PIK3R3: variants seen among roughly 807,000 people sequenced by gnomAD.
PIK3R3 encodes the protein phosphatidylinositol 3-kinase regulatory subunit gamma.
Under a neutral mutation model 62.9 loss-of-function variants are expected in PIK3R3, and 64 were observed. That is an observed-to-expected ratio of 1.02 (90% CI 0.83 to 1.25). The LOEUF is 1.25. Ranked by LOEUF, PIK3R3 falls within the 50% of genes most tolerant of loss-of-function variation. PIK3R3 has a pLI of 0.00. For synonymous variants in PIK3R3, 165 were observed against 189.0 expected (o/e 0.87, Z 1.04); for missense variants, 614 against 561.6 (o/e 1.09, Z -0.94).
chr1:46,047,622 T>A (rs1304487136), intron 7 of PIK3R3, among the ~76,000 whole-genome samples: 4 of 152,154 alleles, frequency 2.6e-5, no homozygotes, highest in Non-Finnish European at 5.9e-5. Flanking sequence ...AAGGCTCCTA[T>A]CATTCAGGTT....
chr1:46,043,872 C>T lies in PIK3R3; in HGVS notation c.1188-1G>A. The T allele has an allele frequency of 6.2e-7, 1 of 1,611,630 alleles. No individual in the cohort carries two copies. Among genetic ancestry groups the T allele is most frequent in the Non-Finnish European group, 8.5e-7 (1 of 1,178,484 alleles). On this transcript the variant is annotated splice_acceptor_variant, in intron 9 of 9. Coordinates refer to ENST00000262741, the MANE Select transcript of PIK3R3 (RefSeq NM_003629.4). LOFTEE classifies it high-confidence loss of function. ...ACAGTGCTTCACTTCCCCATCGGCCCTGCAATGACAAACCACAGAAGAAAT... is the reference window on the plus strand; with the variant it reads ...ACAGTGCTTCACTTCCCCATCGGCCTTGCAATGACAAACCACAGAAGAAAT...
At chr1:46,052,200 G>A (rs1647424669) in intron 7 of PIK3R3, among the ~76,000 whole-genome samples, 1 of 151,988 alleles carries the variant, frequency 6.6e-6, no homozygotes, top group African/African-American at 2.4e-5. Context: ...ACAATATGCT[G>A]GAATAAAAGT....
intron 1 of PIK3R3, among the ~76,000 whole-genome samples, chr1:46,103,023 T>G (rs1194038313): frequency 6.6e-6 from 1 of 152,142 alleles, no homozygotes; most frequent in Non-Finnish European, 1.5e-5. Flanking sequence ...TATGCTACAA[T>G]ATAACTGAAA....
chr1:46,055,661 C>G, intron 7 of PIK3R3, 134 bp downstream of exon 7: 1 of 651,872 alleles, frequency 1.5e-6, no homozygotes, highest in Non-Finnish European at 2.6e-6. Context: ...AGGACACTTT[C>G]CTAAATTCTT....
chr1:46,132,800 G>A (rs1571591106), upstream of PIK3R3: 2 of 1,247,740 alleles, frequency 1.6e-6, no homozygotes, highest in East Asian at 5.8e-5. Flanking sequence ...TCTGTCAAGT[G>A]CCTGAGAACA....
rs886079938 is a variant in PIK3R3 at position 46,046,676 on chromosome 1, C to A, written c.942-51G>T. 4 of 1,280,004 alleles carry A rather than the reference C, an allele frequency of 3.1e-6. No homozygotes were observed. The African/African-American group carries it at 5.8e-5, about 19-fold the overall frequency. 79.3% of individuals were successfully genotyped at this position (1,280,004 alleles called of 1,614,324 possible). A position where few individuals can be genotyped will look rare whatever the true frequency, so the allele number is the denominator to read the frequency against. Reference sequence around the variant, plus strand: ...AGTATCCATGCAAACTCTGACTGGACAAAGTAGGTATGTCTGAGCCAACTA... The same window carrying A: ...AGTATCCATGCAAACTCTGACTGGAAAAAGTAGGTATGTCTGAGCCAACTA... On this transcript the variant is annotated intron_variant, in intron 7 of 9. Coordinates refer to ENST00000262741, the MANE Select transcript of PIK3R3 (RefSeq NM_003629.4).
chr1:46,127,483 A>G (rs1655200826), intron 1 of PIK3R3, among the ~76,000 whole-genome samples: 1 of 152,168 alleles, frequency 6.6e-6, no homozygotes, highest in East Asian at 1.9e-4. Context: ...CCTAAAATGA[A>G]AACAATAACA....
Position 46,107,079 on chromosome 1 carries a change from C to T in PIK3R3, c.106+24768G>A, listed in dbSNP as rs529435918. ...CCCGGCTGCCTTAGTCTTTTAAAAA[C>T]AATAAGCAGCTCATGCCTGTAATCT... On this transcript the variant is annotated intron_variant, in intron 1 of 9. Coordinates refer to ENST00000262741, the MANE Select transcript of PIK3R3 (RefSeq NM_003629.4). Among the ~76,000 whole-genome samples the T allele has an allele frequency of 1.1e-4, 16 of 152,100 alleles. No individual in the cohort carries two copies. In the East Asian group the frequency reaches 2.9e-3, roughly 28 times the overall value.
At chr1:46,122,315 C>T (rs1654745885) in intron 1 of PIK3R3, among the ~76,000 whole-genome samples, 1 of 152,050 alleles carries the variant, frequency 6.6e-6, no homozygotes, top group Non-Finnish European at 1.5e-5. Context: ...TAACTTAAAA[C>T]TCTCCGTTTG....
chr1:46,089,860 G>A (rs1651449026), intron 1 of PIK3R3, among the ~76,000 whole-genome samples: 2 of 151,934 alleles, frequency 1.3e-5, no homozygotes, highest in African/African-American at 4.8e-5. Context: ...ATGCATAGAA[G>A]GAAAGAGTGT....
the PIK3R3 span, among the ~76,000 whole-genome samples, chr1:46,144,570 C>T: frequency 0.01 from 1,522 of 152,144 alleles, 22 homozygotes; most frequent in African/African-American, 0.035. Context: ...GAGATTGAGA[C>T]CATCCTCGCC....
chr1:46,061,628 G>A (rs785509), intron 6 of PIK3R3, among the ~76,000 whole-genome samples: 101,886 of 152,040 alleles, frequency 0.67, 34,375 homozygotes, highest in Non-Finnish European at 0.71. Flanking sequence ...TCAGGACCAG[G>A]CACTGTAGGG....
chr1:46,156,458 C>CA, the PIK3R3 span, among the ~76,000 whole-genome samples: 1,212 of 59,332 alleles, frequency 0.02, 16 homozygotes, highest in Middle Eastern at 0.056. Flanking sequence ...GACTCTGTCT[C>CA]AAAAAAAAAA....
At chr1:46,134,244 G>A (rs989605032), upstream of PIK3R3, among the ~76,000 whole-genome samples, 1 of 152,120 alleles carries the variant, frequency 6.6e-6, no homozygotes, top group Non-Finnish European at 1.5e-5. Context: ...ATATTGATTC[G>A]CCTATGGAAG....
chr1:46,067,230 AG>A (rs982521153), intron 3 of PIK3R3, 139 bp from the exon 4 acceptor site: 1 of 404,236 alleles, frequency 2.5e-6, no homozygotes, highest in Admixed American at 3.9e-5. Context: ...AGGAGTGAAA[AG>A]GCATGTTATT....
chr1:46,074,584 C>T (rs1183766705), intron 3 of PIK3R3, among the ~76,000 whole-genome samples: 1 of 151,786 alleles, frequency 6.6e-6, no homozygotes, highest in African/African-American at 2.4e-5. Context: ...GACTCAGCAT[C>T]CTCTGGCTTA....
intron 7 of PIK3R3, among the ~76,000 whole-genome samples, chr1:46,054,051 G>A (rs989377693): frequency 6.6e-6 from 1 of 152,034 alleles, no homozygotes; most frequent in Non-Finnish European, 1.5e-5. Flanking sequence ...GAGAGAGCTG[G>A]TATTAAAAAC....
intron 3 of PIK3R3, among the ~76,000 whole-genome samples, chr1:46,071,755 AGAGAGC>A (rs1278332477): frequency 5.4e-5 from 7 of 129,024 alleles, no homozygotes; most frequent in East Asian, 2.2e-4. Context: ...AGAGAGAGAG[AGAGAGC>A]GCGCGCCTGA....
Position 46,043,611 on chromosome 1 carries a change from C to T in PIK3R3, c.*62G>A, listed in dbSNP as rs1425187268. 3.7e-6 allele frequency: 5 copies of T among 1,368,246 alleles called. No homozygotes were observed. Among genetic ancestry groups the T allele is most frequent in the African/African-American group, 2.8e-5 (2 of 70,224 alleles). The allele number at this position is 1,368,246 out of a possible 1,614,324, so 84.8% of individuals were successfully genotyped here. ...GTCTATGTAGAAAGAATGCCCTCAT[C>T]GTAGTCTAATAAAAACTGTAGAAAA... On this transcript the variant is annotated 3_prime_UTR_variant, in exon 10 of 10. Coordinates refer to ENST00000262741, the MANE Select transcript of PIK3R3 (RefSeq NM_003629.4).
Sources: gnomAD v4.1 joint callset for allele counts (sites outside exome capture counted in the v4.1 genomes callset) on GRCh38, gnomAD v4.1.1 for gene constraint, MANE v1.5 for transcripts, NCBI Gene and HGNC (gene_info 2026-07-23, HGNC 2026-07-21) for gene names.